POU6F2: variants seen among roughly 807,000 people sequenced by gnomAD.
POU6F2 encodes the protein POU domain, class 6, transcription factor 2.
POU6F2 carries 31 observed loss-of-function variants against 71.3 expected under a neutral mutation model. The ratio of observed to expected loss-of-function variants is 0.43; its 90% CI spans 0.33 to 0.59. The LOEUF (loss-of-function observed/expected upper bound fraction) is 0.59. POU6F2 is among the 20% of genes least tolerant of loss of function. POU6F2 has a pLI of 0.04. For missense variants in POU6F2, 783 were observed against 856.8 expected (o/e 0.91, Z 1.07); for synonymous variants, 347 against 355.7 (o/e 0.98, Z 0.27).
At chr7:39,452,186 A>G (rs186113537) in intron 8 of POU6F2, among the ~76,000 whole-genome samples, 1 of 152,286 alleles carries the variant, frequency 6.6e-6, no homozygotes, top group East Asian at 1.9e-4. Flanking sequence ...ACAATAAGCC[A>G]CCTCAAGTGG....
At chr7:39,178,930 G>C (rs1793380374) in intron 2 of POU6F2, among the ~76,000 whole-genome samples, 1 of 152,154 alleles carries the variant, frequency 6.6e-6, no homozygotes, top group Non-Finnish European at 1.5e-5. Flanking sequence ...ATTCTCAGCT[G>C]TGTTTTATTA....
chr7:39,103,394 C>T (rs190432175), intron 2 of POU6F2, among the ~76,000 whole-genome samples: 259 of 152,150 alleles, frequency 1.7e-3, no homozygotes, highest in African/African-American at 5.9e-3. Context: ...CTTGGTGGGA[C>T]GATCAATCAA....
chr7:39,057,919 C>G (rs1425074260), intron 1 of POU6F2, among the ~76,000 whole-genome samples: 1 of 152,154 alleles, frequency 6.6e-6, no homozygotes, highest in Non-Finnish European at 1.5e-5. Flanking sequence ...TTGGTTTATT[C>G]CTCCAGAAGG....
chr7:39,117,122 C>G (rs1562712315), intron 2 of POU6F2, among the ~76,000 whole-genome samples: 1 of 152,168 alleles, frequency 6.6e-6, no homozygotes, highest in Non-Finnish European at 1.5e-5. Context: ...ATGAATTCAG[C>G]AATGCATACC....
At chr7:39,140,669 T>G (rs114929432) in intron 2 of POU6F2, among the ~76,000 whole-genome samples, 136 of 152,298 alleles carry the variant, frequency 8.9e-4, no homozygotes, top group Middle Eastern at 6.8e-3. Context: ...TCTTCCTATC[T>G]CAAGAGTCTT....
chr7:39,384,206 G>A (rs191242684), intron 5 of POU6F2, among the ~76,000 whole-genome samples: 217 of 152,270 alleles, frequency 1.4e-3, no homozygotes, highest in African/African-American at 4.9e-3. Context: ...TTTATTGGTC[G>A]TGGCTCATAA....
intron 9 of POU6F2, among the ~76,000 whole-genome samples, chr7:39,462,924 A>G (rs1163149244): frequency 6.6e-6 from 1 of 152,242 alleles, no homozygotes; most frequent in Non-Finnish European, 1.5e-5. Flanking sequence ...TGTGGCACAT[A>G]AAGAAAGCCT....
At chr7:39,426,804 T>G (rs1473989345) in intron 6 of POU6F2, among the ~76,000 whole-genome samples, 1 of 152,192 alleles carries the variant, frequency 6.6e-6, no homozygotes, top group African/African-American at 2.4e-5. Context: ...TCAAAAATTC[T>G]GTGTCTATCC....
intron 6 of POU6F2, among the ~76,000 whole-genome samples, chr7:39,408,469 T>G (rs112637973): frequency 0.015 from 2,229 of 152,328 alleles, 53 homozygotes; most frequent in African/African-American, 0.048. Context: ...TTTTTGGCCT[T>G]TGCCAAACCC....
intron 2 of POU6F2, among the ~76,000 whole-genome samples, chr7:39,103,437 T>C (rs1342285301): frequency 6.6e-6 from 1 of 152,144 alleles, no homozygotes. Context: ...AAAGAGATGT[T>C]ACATGGCCCA....
intron 4 of POU6F2, among the ~76,000 whole-genome samples, chr7:39,283,188 T>TA (rs1204638021): frequency 6.6e-6 from 1 of 152,184 alleles, no homozygotes; most frequent in African/African-American, 2.4e-5. Flanking sequence ...GGTGGAGTCT[T>TA]AAAGTTTTTT....
chr7:39,027,284 C>G (rs1201755528), intron 1 of POU6F2, among the ~76,000 whole-genome samples: 1 of 152,072 alleles, frequency 6.6e-6, no homozygotes, highest in Non-Finnish European at 1.5e-5. Flanking sequence ...TTCTGGAAAC[C>G]CTCACCATTA....
intron 1 of POU6F2, among the ~76,000 whole-genome samples, chr7:39,007,989 G>C (rs13243718): frequency 1.4e-5 from 2 of 146,184 alleles, no homozygotes; most frequent in Admixed American, 7.0e-5. Flanking sequence ...ATAAACATAC[G>C]TGTGCATGTG....
At chr7:39,402,973 C>G (rs1458104929) in intron 5 of POU6F2, among the ~76,000 whole-genome samples, 3 of 152,136 alleles carry the variant, frequency 2.0e-5, no homozygotes, top group Non-Finnish European at 4.4e-5. Context: ...AGGTATTAAT[C>G]TAAAACTTTT....
chr7:39,100,492 A>G (rs1276906133), intron 2 of POU6F2, among the ~76,000 whole-genome samples: 2 of 152,300 alleles, frequency 1.3e-5, no homozygotes, highest in East Asian at 3.9e-4. Flanking sequence ...ACACATTTTT[A>G]ATTACATATT....
chr7:38,981,493 C>A (rs1235510696), intron 1 of POU6F2, among the ~76,000 whole-genome samples: 1 of 151,986 alleles, frequency 6.6e-6, no homozygotes, highest in Non-Finnish European at 1.5e-5. Context: ...GCAAATATTG[C>A]AGAACAGAGG....
intron 1 of POU6F2, among the ~76,000 whole-genome samples, chr7:38,996,742 G>C (rs886149261): frequency 2.6e-5 from 4 of 152,170 alleles, no homozygotes; most frequent in African/African-American, 9.6e-5. Context: ...ACATGAAAAA[G>C]TGGCAAAGTT....
chr7:39,094,794 T>C (rs1189071982), intron 2 of POU6F2, among the ~76,000 whole-genome samples: 11 of 152,066 alleles, frequency 7.2e-5, no homozygotes, highest in Non-Finnish European at 1.6e-4. Flanking sequence ...TTATTGCACA[T>C]GACTTTTTGC....
chr7:39,437,572 A>G (rs547703759), intron 7 of POU6F2, among the ~76,000 whole-genome samples: 90 of 152,098 alleles, frequency 5.9e-4, no homozygotes, highest in Non-Finnish European at 1.2e-3. Context: ...TCAAAAAACC[A>G]GCTCCTGGAT....
Sources: allele counts gnomAD v4.1 joint callset (sites outside exome capture counted in the v4.1 genomes callset), GRCh38; gene constraint gnomAD v4.1.1; transcripts MANE v1.5; gene names NCBI Gene and HGNC (gene_info 2026-07-23, HGNC 2026-07-21).